Variants in LRP1B observed in about 807,000 individuals in gnomAD.
LRP1B encodes the protein LDL receptor related protein 1B, also known as low-density lipoprotein receptor-related protein 1B.
Under a neutral mutation model 556.6 loss-of-function variants are expected in LRP1B, and 217 were observed. That is an observed-to-expected ratio of 0.39 (90% CI 0.35 to 0.44). The LOEUF (loss-of-function observed/expected upper bound fraction) is 0.44, where lower values mean the gene tolerates loss of function less well. Among genes scored for constraint, LRP1B ranks in the 20% least tolerant of loss-of-function variants. The pLI is 1.00. For synonymous variants in LRP1B, 2,047 were observed against 1,865.8 expected (o/e 1.10, Z -2.50); for missense variants, 5,053 against 5,620.8 (o/e 0.90, Z 3.23).
chr2:141,668,093 G>T (rs973493654), intron 2 of LRP1B, among the ~76,000 whole-genome samples: 2 of 152,072 alleles, frequency 1.3e-5, no homozygotes, highest in African/African-American at 4.8e-5. Context: ...AGACTCAAAG[G>T]CTCTTATGGA....
At chr2:141,247,834 G>T (rs1022171428) in intron 4 of LRP1B, among the ~76,000 whole-genome samples, 1 of 152,122 alleles carries the variant, frequency 6.6e-6, no homozygotes, top group African/African-American at 2.4e-5. Context: ...GAAAAATAAA[G>T]ATTTTGTCTT....
rs866204780 is a variant in LRP1B, at chr2:141,313,948, G to A, written c.344-59307C>T. ...TGTCTCTCCAATTCTTTATGTGTCA[G>A]TTCTAAATTAATTCTGCTTTTAACT... On this transcript the variant is annotated intron_variant, in intron 3 of 90. Coordinates refer to ENST00000389484, the MANE Select transcript of LRP1B (RefSeq NM_018557.3). Among the ~76,000 whole-genome samples, 21 of 149,586 alleles carry A rather than the reference G, an allele frequency of 1.4e-4. No homozygotes were observed. The Middle Eastern group carries it at 0.017, about 123-fold the overall frequency.
At chr2:140,562,696 T>C (rs965072726) in intron 43 of LRP1B, among the ~76,000 whole-genome samples, 6 of 152,044 alleles carry the variant, frequency 3.9e-5, no homozygotes, top group African/African-American at 1.4e-4. Flanking sequence ...TCTTGGCTCA[T>C]TGCAACCTCC....
At chr2:141,704,757 C>A (rs764668684) in intron 2 of LRP1B, among the ~76,000 whole-genome samples, 1 of 151,920 alleles carries the variant, frequency 6.6e-6, no homozygotes, top group Non-Finnish European at 1.5e-5. Context: ...GCTTTCTCTC[C>A]AAGGATCCGC....
chr2:141,817,227 T>C (rs955907583), intron 1 of LRP1B, among the ~76,000 whole-genome samples: 3 of 152,202 alleles, frequency 2.0e-5, no homozygotes, highest in Admixed American at 6.5e-5. Context: ...ATATGAAACA[T>C]AGTGTTTTAC....
chr2:140,393,713 G>A (rs1684126901), intron 66 of LRP1B, among the ~76,000 whole-genome samples: 2 of 151,966 alleles, frequency 1.3e-5, no homozygotes, highest in African/African-American at 2.4e-5. Flanking sequence ...AGAACTATGG[G>A]AACAATGAAG....
chr2:141,671,908 C>T (rs1690684098), intron 2 of LRP1B, among the ~76,000 whole-genome samples: 1 of 151,556 alleles, frequency 6.6e-6, no homozygotes, highest in South Asian at 2.1e-4. Context: ...ATATGCCAGG[C>T]ACTGGAATAT....
chr2:141,777,215 G>C (rs180837387), intron 2 of LRP1B, among the ~76,000 whole-genome samples: 12 of 152,174 alleles, frequency 7.9e-5, no homozygotes, highest in African/African-American at 2.6e-4. Context: ...TGAACTAGTA[G>C]GATGAGGGGC....
intron 41 of LRP1B, among the ~76,000 whole-genome samples, chr2:140,694,913 GTTTTAA>G (rs547217240): frequency 3.3e-5 from 5 of 151,492 alleles, no homozygotes; most frequent in East Asian, 1.9e-4. Flanking sequence ...ATATTCAATT[GTTTTAA>G]TTTTAACAAA....
At chr2:141,544,363 TC>T (rs1221971796) in intron 2 of LRP1B, among the ~76,000 whole-genome samples, 223 of 109,030 alleles carry the variant, frequency 2.0e-3, no homozygotes, top group Admixed American at 2.4e-3. Context: ...TTCTTCTTCT[TC>T]TTCTTCTTCT....
At chr2:140,825,739 A>G (rs1691480800) in intron 31 of LRP1B, among the ~76,000 whole-genome samples, 1 of 152,186 alleles carries the variant, frequency 6.6e-6, no homozygotes, top group Non-Finnish European at 1.5e-5. Flanking sequence ...TATTTAGATT[A>G]TAGGTAAACA....
At chr2:140,245,881 G>A (rs1194876967) in intron 87 of LRP1B, among the ~76,000 whole-genome samples, 1 of 151,218 alleles carries the variant, frequency 6.6e-6, no homozygotes, top group East Asian at 2.0e-4. Context: ...CCTAAGGAGA[G>A]CACACAAATT....
At chr2:141,166,837 A>G (rs775471613) in intron 7 of LRP1B, among the ~76,000 whole-genome samples, 5 of 150,750 alleles carry the variant, frequency 3.3e-5, no homozygotes, top group African/African-American at 5.0e-5. Context: ...AGATGTCTCA[A>G]TTAAACTCTT....
intron 2 of LRP1B, among the ~76,000 whole-genome samples, chr2:141,751,423 A>T (rs564527704): frequency 1.3e-5 from 2 of 152,306 alleles, no homozygotes; most frequent in South Asian, 4.1e-4. Context: ...CAGTGAAGTC[A>T]GAATATGTTG....
At chr2:140,252,062 CAAAAA>C in intron 86 of LRP1B, among the ~76,000 whole-genome samples, 89 of 18,544 alleles carry the variant, frequency 4.8e-3, no homozygotes, top group South Asian at 6.6e-3. Flanking sequence ...TGACAAGATG[CAAAAA>C]AAAAAAAAAA....
chr2:142,015,979 G>A lies in LRP1B; in HGVS notation c.82+114669C>T, dbSNP rs1265385283. Among the ~76,000 whole-genome samples, 9 of 44,088 alleles carry A rather than the reference G, an allele frequency of 2.0e-4. No homozygotes were observed. The South Asian group carries it at 2.7e-3, about 13-fold the overall frequency. The allele number at this position is 44,088 out of a possible 152,430, so 28.9% of individuals were successfully genotyped here. A position where few individuals can be genotyped will look rare whatever the true frequency, so the allele number is the denominator to read the frequency against. On this transcript the variant is annotated intron_variant, in intron 1 of 90. Transcript: ENST00000389484. Reference sequence around the variant, plus strand: ...TGCACTCCAGCCTGGGCAACAGCGCGAGACTCCATCTCAAAAAAAAAAAAA... The same window carrying A: ...TGCACTCCAGCCTGGGCAACAGCGCAAGACTCCATCTCAAAAAAAAAAAAA...
At chr2:140,323,785 C>A (rs1177402279) in intron 81 of LRP1B, 108 bp downstream of exon 81, 1 of 501,426 alleles carries the variant, frequency 2.0e-6, no homozygotes, top group Non-Finnish European at 3.4e-6. Flanking sequence ...ACTTAAGTTA[C>A]TGAGGTTAAG....
In LRP1B at chr2:140,868,375, G is replaced by A. The variant is rs140050020; in HGVS notation, c.4170-112C>T. ...GCACTGGATAGGTGATAAGTCACAA[G>A]AGAAACAGATGTATTATCTATCCTC... On this transcript the variant is annotated intron_variant, in intron 25 of 90. Coordinates refer to ENST00000389484, the MANE Select transcript of LRP1B (RefSeq NM_018557.3). The A allele has an allele frequency of 3.5e-4, 341 of 975,630 alleles. 6 individuals carry two copies. In the East Asian group the frequency reaches 9.1e-3, roughly 26 times the overall value. 60.4% of individuals were successfully genotyped at this position (975,630 alleles called of 1,614,324 possible). A position where few individuals can be genotyped will look rare whatever the true frequency, so the allele number is the denominator to read the frequency against.
Position 140,335,796 on chromosome 2 carries a change from C to T in LRP1B, c.11935G>A (p.Val3979Met). 1 of 1,612,618 alleles carries T rather than the reference C, an allele frequency of 6.2e-7. No individual in the cohort carries two copies. Among genetic ancestry groups the T allele is most frequent in the Non-Finnish European group, 8.5e-7 (1 of 1,179,190 alleles). Residue 3979 changes from valine to methionine, a missense_variant, in exon 78 of 91, where the codon GTG becomes ATG. Physicochemically the swap from Val to Met is conservative, Grantham distance 21 (BLOSUM62 1). This residue lies in a region of LRP1B where 599 missense variants were observed against 648.4 expected (regional missense o/e 0.92). Coordinates refer to ENST00000389484, the MANE Select transcript of LRP1B (RefSeq NM_018557.3). ...KRPRDIAVDWVAGNIYWTDHS... is the reference protein window; with the variant it reads ...KRPRDIAVDWMAGNIYWTDHS... The stretch of plus-strand genomic sequence containing the variant: ...TCAGTCCAGTAAATGTTTCCAGCCA[C>T]CCAGTCAACTGCAATGTCCCTGGGC...
Sources: allele counts gnomAD v4.1 joint callset (sites outside exome capture counted in the v4.1 genomes callset), GRCh38; gene constraint gnomAD v4.1.1; regional missense constraint gnomAD v4.1.1; transcripts MANE v1.5; gene names NCBI Gene and HGNC (gene_info 2026-07-23, HGNC 2026-07-21).